The following TMPRSS7 variants were observed in gnomAD, a reference collection of about 807,000 sequenced individuals.
TMPRSS7 encodes transmembrane protease serine 7.
A neutral mutation model predicts 95.6 loss-of-function variants in TMPRSS7; 81 were observed. The observed-to-expected ratio is 0.85, with a 90% CI of 0.71 to 1.02. The LOEUF (loss-of-function observed/expected upper bound fraction) is 1.02. TMPRSS7 is among the 50% of genes least tolerant of loss of function. The probability of loss-of-function intolerance (pLI) is 0.00; values close to 1 mark genes in which losing one functional copy is unlikely to be tolerated. For synonymous variants in TMPRSS7, 364 were observed against 337.8 expected (o/e 1.08, Z -0.85); for missense variants, 945 against 955.2 (o/e 0.99, Z 0.14).
rs1161735611 is a variant in TMPRSS7 at position 112,054,729 on chromosome 3, C to CTTTTTTTTTTTTTTTTTTTT, written c.1204-2286_1204-2267dup. Reference sequence around the variant, plus strand: ...AACATATTTACTATCTCTCAGTTTGCTTTTTTTTTTTTTTTTTTTTTTTTT... The same window carrying CTTTTTTTTTTTTTTTTTTTT: ...AACATATTTACTATCTCTCAGTTTGCTTTTTTTTTTTTTTTTTTTTTTTTTTTTTTTTTTTTTTTTTTTTT... On this transcript the variant is annotated intron_variant, in intron 9 of 17. Coordinates refer to ENST00000452346, the Ensembl canonical transcript of TMPRSS7. Among the ~76,000 whole-genome samples, 25 of 49,026 alleles carry CTTTTTTTTTTTTTTTTTTTT rather than the reference C, an allele frequency of 5.1e-4. 10 individuals are homozygous for CTTTTTTTTTTTTTTTTTTTT. The highest frequency in any genetic ancestry group is 8.4e-4 in the African/African-American group (11 of 13,020). The allele number at this position is 49,026 out of a possible 152,430, so 32.2% of individuals were successfully genotyped here.
chr3:112,075,238 T>G, intron 14 of TMPRSS7, 83 bp from the exon 15 acceptor site: 2 of 1,336,248 alleles, frequency 1.5e-6, no homozygotes, highest in Non-Finnish European at 2.0e-6. Context: ...GTGAGTCAGT[T>G]CCCAGCCAGC....
intron 13 of TMPRSS7, among the ~76,000 whole-genome samples, chr3:112,070,656 C>CT (rs1272343709): frequency 2.6e-5 from 4 of 151,874 alleles, no homozygotes; most frequent in Non-Finnish European, 5.9e-5. Flanking sequence ...GCAACCTCTG[C>CT]TTTTTTTTGC....
intron 13 of TMPRSS7, among the ~76,000 whole-genome samples, chr3:112,073,412 CT>C (rs2073675184): frequency 6.6e-6 from 1 of 152,074 alleles, no homozygotes; most frequent in African/African-American, 2.4e-5. Context: ...CTTTTCTAGA[CT>C]TTTTAATGAT....
chr3:112,043,732 G>C (rs2073240187), intron 3 of TMPRSS7, among the ~76,000 whole-genome samples: 1 of 152,192 alleles, frequency 6.6e-6, no homozygotes, highest in Non-Finnish European at 1.5e-5. Flanking sequence ...GCTCTCCCTT[G>C]AGATCCAATT....
chr3:112,050,689 TG>T lies in TMPRSS7; in HGVS notation c.1111del (p.Val371SerfsTer39). On this transcript the variant is annotated frameshift_variant, in exon 9 of 18. Transcript: ENST00000452346. LOFTEE classifies it high-confidence loss of function. ...TTTCCAGAGTGTGAAAACACAGTGT[TG>T]GTCAAAGACATCACTGGCTTTGAAG... 6.2e-7 allele frequency: 1 copy of T among 1,602,696 alleles called. No homozygotes were observed. The highest frequency in any genetic ancestry group is 1.1e-5 in the South Asian group (1 of 88,768).
chr3:112,059,106 G>A (rs1576111508), intron 10 of TMPRSS7, among the ~76,000 whole-genome samples: 1 of 152,194 alleles, frequency 6.6e-6, no homozygotes, highest in East Asian at 1.9e-4. Flanking sequence ...CAGCCTGGGG[G>A]TGAGGTGTGA....
At chr3:112,073,678 A>G (rs555768718) in intron 13 of TMPRSS7, among the ~76,000 whole-genome samples, 6 of 149,454 alleles carry the variant, frequency 4.0e-5, no homozygotes, top group South Asian at 2.1e-4. Flanking sequence ...ATTTTCTCCC[A>G]TTCTGTAGGT....
At chr3:112,039,727 T>A (rs1007523443) in intron 2 of TMPRSS7, 1 of 152,214 alleles carries the variant, frequency 6.6e-6, no homozygotes, top group Non-Finnish European at 1.5e-5. Flanking sequence ...CTCATCTGTA[T>A]CCTTTATAAT....
chr3:112,058,644 A>G (rs1224886200), intron 10 of TMPRSS7, among the ~76,000 whole-genome samples: 1 of 152,240 alleles, frequency 6.6e-6, no homozygotes, highest in Non-Finnish European at 1.5e-5. Flanking sequence ...TATTTAATTA[A>G]AATAGAGATT....
At chr3:112,079,523 G>A (rs556366441) in intron 17 of TMPRSS7, among the ~76,000 whole-genome samples, 30 of 152,270 alleles carry the variant, frequency 2.0e-4, no homozygotes, top group Non-Finnish European at 4.3e-4. Context: ...AACATCATGA[G>A]ATTTTTTTTT....
intron 9 of TMPRSS7, among the ~76,000 whole-genome samples, chr3:112,052,341 A>G (rs900331072): frequency 3.9e-5 from 6 of 152,230 alleles, no homozygotes; most frequent in African/African-American, 1.4e-4. Context: ...AGGGACTCTG[A>G]GGCAGGAGGG....
chr3:112,066,324 G>A, intron 12 of TMPRSS7, 68 bp from the exon 13 acceptor site: 1 of 1,368,082 alleles, frequency 7.3e-7, no homozygotes, highest in Non-Finnish European at 1.0e-6. Flanking sequence ...GACTGGCACT[G>A]CTGATCATCA....
exon 15 of TMPRSS7, chr3:112,075,367 A>G: frequency 6.7e-7 from 1 of 1,497,746 alleles, no homozygotes; most frequent in Non-Finnish European, 8.9e-7. Flanking sequence ...TCGGAGGCAC[A>G]GACACCCTGG....
intron 9 of TMPRSS7, among the ~76,000 whole-genome samples, chr3:112,054,621 C>T (rs2073407223): frequency 6.7e-6 from 1 of 148,770 alleles, no homozygotes; most frequent in Non-Finnish European, 1.5e-5. Context: ...GCTGTGGAAT[C>T]TAGTGAAAAT....
At chr3:112,066,165 C>T (rs1276016091) in intron 12 of TMPRSS7, among the ~76,000 whole-genome samples, 2 of 152,294 alleles carry the variant, frequency 1.3e-5, no homozygotes, top group East Asian at 1.9e-4. Flanking sequence ...CAGAGTTTAA[C>T]GCATTTATAC....
intron 4 of TMPRSS7, among the ~76,000 whole-genome samples, chr3:112,044,600 A>T (rs998990206): frequency 6.6e-6 from 1 of 152,184 alleles, no homozygotes; most frequent in Non-Finnish European, 1.5e-5. Flanking sequence ...TGTCTATCAT[A>T]TTGGGTGGAG....
intron 13 of TMPRSS7, among the ~76,000 whole-genome samples, chr3:112,068,256 C>T (rs76798375): frequency 0.22 from 32,992 of 152,078 alleles, 4,485 homozygotes; most frequent in Middle Eastern, 0.32. Flanking sequence ...AATCAGGTAG[C>T]GTGATGCCCC....
chr3:112,046,225 A>G (rs1205726693), intron 5 of TMPRSS7, among the ~76,000 whole-genome samples: 1 of 152,206 alleles, frequency 6.6e-6, no homozygotes, highest in Non-Finnish European at 1.5e-5. Flanking sequence ...TCATCAAACT[A>G]AGTCCCCAAA....
chr3:112,057,225 T>C, intron 10 of TMPRSS7, 94 bp downstream of exon 10: 1 of 902,674 alleles, frequency 1.1e-6, no homozygotes, highest in South Asian at 1.7e-5. Context: ...CGCTTTACCA[T>C]TTACAGTTAG....
Sources: allele counts gnomAD v4.1 joint callset (sites outside exome capture counted in the v4.1 genomes callset), GRCh38; gene constraint gnomAD v4.1.1; transcripts MANE v1.5; gene names NCBI Gene and HGNC (gene_info 2026-07-23, HGNC 2026-07-21).